DNAJA3: variants seen among roughly 807,000 people sequenced by gnomAD.
DNAJA3 encodes the protein DnaJ heat shock protein family (Hsp40) member A3, also known as dnaJ homolog subfamily A member 3, mitochondrial.
DNAJA3 carries 29 observed loss-of-function variants against 54.9 expected under a neutral mutation model. That is an observed-to-expected ratio of 0.53 (90% confidence interval 0.39 to 0.72). The LOEUF (loss-of-function observed/expected upper bound fraction) is 0.72. Ranked by LOEUF, DNAJA3 falls within the 30% of genes least tolerant of loss-of-function variation. DNAJA3 has a pLI of 0.00. For missense variants in DNAJA3, 708 were observed against 639.4 expected (o/e 1.11, Z -1.16); for synonymous variants, 302 against 251.4 (o/e 1.20, Z -1.90).
chr16:4,427,653 G>T (rs1374009199), intron 1 of DNAJA3, among the ~76,000 whole-genome samples: 1 of 152,182 alleles, frequency 6.6e-6, no homozygotes, highest in Non-Finnish European at 1.5e-5. Flanking sequence ...ATGTGTGTTT[G>T]GTTAAGAGAA....
intron 1 of DNAJA3, among the ~76,000 whole-genome samples, chr16:4,429,220 T>C (rs568276734): frequency 7.3e-6 from 1 of 136,088 alleles, no homozygotes; most frequent in East Asian, 2.3e-4. Flanking sequence ...TGAGACGGAG[T>C]CTTGCTCTGT....
chr16:4,441,207 A>G, intron 3 of DNAJA3, 168 bp from the exon 4 acceptor site: 1 of 620,114 alleles, frequency 1.6e-6, no homozygotes, highest in Non-Finnish European at 2.8e-6. Flanking sequence ...TGGTCATCTC[A>G]TCCCTCTTCT....
At chr16:4,453,671 A>G (rs1023099230) in intron 10 of DNAJA3, among the ~76,000 whole-genome samples, 5 of 152,006 alleles carry the variant, frequency 3.3e-5, no homozygotes, top group East Asian at 1.9e-4. Flanking sequence ...AGCTCAGGCA[A>G]TCCGCCTGCC....
intron 10 of DNAJA3, among the ~76,000 whole-genome samples, chr16:4,454,123 G>T (rs549032397): frequency 9.8e-5 from 15 of 152,334 alleles, no homozygotes; most frequent in African/African-American, 3.6e-4. Flanking sequence ...CTTGCTCAGG[G>T]AGATAGACTG....
chr16:4,445,553 T>A (rs1383630265), intron 7 of DNAJA3, among the ~76,000 whole-genome samples: 1 of 151,120 alleles, frequency 6.6e-6, no homozygotes, highest in Non-Finnish European at 1.5e-5. Context: ...TTTTATTTTA[T>A]TTTACTTTAT....
intron 1 of DNAJA3, among the ~76,000 whole-genome samples, chr16:4,432,938 G>A (rs912845303): frequency 6.6e-6 from 1 of 151,860 alleles, no homozygotes; most frequent in Admixed American, 6.6e-5. Flanking sequence ...TCAGGAGATC[G>A]AGACCATCCT....
chr16:4,437,008 T>C (rs978531380), intron 2 of DNAJA3, among the ~76,000 whole-genome samples: 1 of 152,148 alleles, frequency 6.6e-6, no homozygotes, highest in Non-Finnish European at 1.5e-5. Context: ...TCTCACTCCG[T>C]CACCTAGGCT....
Position 4,441,529 on chromosome 16 carries a change from C to A in DNAJA3, c.584C>A (p.Ser195Tyr). ...LFRKIFGEFSSSSFGDFQTVF... is the reference protein window; with the variant it reads ...LFRKIFGEFSYSSFGDFQTVF... The stretch of plus-strand genomic sequence containing the variant: ...AGGAAGATCTTTGGCGAGTTCTCAT[C>A]CTCTTCATTTGGAGATTTCCAGACC... The change falls in exon 4 of 12, where the codon TCC becomes TAC. Residue 195 changes from serine to tyrosine, a missense_variant. Transcript: ENST00000262375. The A allele has an allele frequency of 6.2e-7, 1 of 1,614,180 alleles. No homozygotes were observed. Among genetic ancestry groups the A allele is most frequent in the East Asian group, 2.2e-5 (1 of 44,888 alleles).
At chr16:4,447,177 AC>A in intron 8 of DNAJA3, 163 bp downstream of exon 8, 1 of 747,840 alleles carries the variant, frequency 1.3e-6, no homozygotes, top group Non-Finnish European at 2.1e-6. Context: ...TTGAGTGTGG[AC>A]CACAAGCCAC....
intron 9 of DNAJA3, 52 bp downstream of exon 9, chr16:4,448,900 G>A: frequency 7.3e-7 from 1 of 1,377,390 alleles, no homozygotes; most frequent in Non-Finnish European, 1.0e-6. Context: ...CGGTGGCACT[G>A]CCCTTGGAGC....
intron 1 of DNAJA3, chr16:4,433,948 G>A (rs2056739077): frequency 4.8e-6 from 1 of 210,502 alleles, no homozygotes. Flanking sequence ...TTCTCATGCA[G>A]CTAATAAAGA....
chr16:4,451,789 G>A (rs58493296), intron 10 of DNAJA3, among the ~76,000 whole-genome samples: 4,247 of 146,224 alleles, frequency 0.029, 75 homozygotes, highest in African/African-American at 0.04. Flanking sequence ...GGCCTGGCGC[G>A]GTGGCTCACG....
In DNAJA3 at chr16:4,437,549, T is replaced by A. The variant is rs113037068; in HGVS notation, c.429+64T>A. 1,281 of 1,385,616 alleles carry A rather than the reference T, an allele frequency of 9.2e-4. 9 individuals are homozygous for A. The African/African-American group carries it at 0.015, about 16-fold the overall frequency. The allele number at this position is 1,385,616 out of a possible 1,614,324, so 85.8% of individuals were successfully genotyped here. A position where few individuals can be genotyped will look rare whatever the true frequency, so the allele number is the denominator to read the frequency against. ...CTATGTGTATGAATCAAAGGTTGCA[T>A]TGCTACCTGGGACAGCCTGGTGTGT... On this transcript the variant is annotated intron_variant, in intron 3 of 11. Coordinates refer to ENST00000262375, the MANE Select transcript of DNAJA3 (RefSeq NM_005147.6).
chr16:4,432,477 G>A (rs897141986), intron 1 of DNAJA3, among the ~76,000 whole-genome samples: 1 of 151,230 alleles, frequency 6.6e-6, no homozygotes, highest in Admixed American at 6.6e-5. Flanking sequence ...TTACTAGCTG[G>A]GATTACAGGC....
chr16:4,438,486 G>T (rs2056799690), intron 3 of DNAJA3, among the ~76,000 whole-genome samples: 5 of 152,096 alleles, frequency 3.3e-5, no homozygotes, highest in Admixed American at 6.6e-5. Context: ...GGGGATAGAG[G>T]TTATTGTAAA....
intron 7 of DNAJA3, 133 bp downstream of exon 7, chr16:4,444,861 GC>G: frequency 1.3e-6 from 1 of 763,080 alleles, no homozygotes; most frequent in Non-Finnish European, 2.1e-6. Flanking sequence ...GGGCACAGTG[GC>G]CACCTAGATG....
intron 3 of DNAJA3, among the ~76,000 whole-genome samples, chr16:4,438,702 C>CCTGA (rs998191830): frequency 1.3e-4 from 17 of 133,758 alleles, no homozygotes; most frequent in Non-Finnish European, 2.1e-4. Flanking sequence ...GTCTTGAACT[C>CCTGA]CTGAGCTGAA....
chr16:4,442,742 CA>C (rs1191390657), intron 5 of DNAJA3: 18 of 558,588 alleles, frequency 3.2e-5, no homozygotes, highest in Admixed American at 6.9e-5. Context: ...GTTCAGCTCC[CA>C]GGAGTCTTCA....
At chr16:4,440,841 G>A (rs2056829026) in intron 3 of DNAJA3, 1 of 155,262 alleles carries the variant, frequency 6.4e-6, no homozygotes, top group African/African-American at 2.4e-5. Flanking sequence ...GACTGGTGGT[G>A]TGCACCTGTA....
Sources: gnomAD v4.1 joint callset for allele counts (sites outside exome capture counted in the v4.1 genomes callset) on GRCh38, gnomAD v4.1.1 for gene constraint, MANE v1.5 for transcripts, NCBI Gene and HGNC (gene_info 2026-07-23, HGNC 2026-07-21) for gene names.